Variants in PCDHGA4 observed in about 807,000 individuals in gnomAD.
PCDHGA4 encodes the protein protocadherin gamma-A4.
PCDHGA4 carries 38 observed loss-of-function variants against 54.6 expected under a neutral mutation model. The observed-to-expected ratio is 0.70, with a 90% CI of 0.54 to 0.91. The LOEUF (loss-of-function observed/expected upper bound fraction) is 0.91. PCDHGA4 is among the 40% of genes least tolerant of loss of function. The pLI is 0.00. For synonymous variants in PCDHGA4, 511 were observed against 512.9 expected, an observed-to-expected ratio of 1.00 and a Z score of 0.05; for missense variants, 1,298 against 1,220.9, an observed-to-expected ratio of 1.06 and a Z score of -0.94.
intron 1 of PCDHGA4, among the ~76,000 whole-genome samples, chr5:141,373,486 G>A (rs1769628161): frequency 1.3e-5 from 2 of 152,192 alleles, no homozygotes; most frequent in Non-Finnish European, 2.9e-5. Flanking sequence ...TTGTGCCCCT[G>A]CACTCTAGCC....
At chr5:141,381,761 A>G (rs1777413345) in intron 1 of PCDHGA4, among the ~76,000 whole-genome samples, 1 of 150,538 alleles carries the variant, frequency 6.6e-6, no homozygotes, top group Non-Finnish European at 1.5e-5. Flanking sequence ...TTCTACTACT[A>G]TATAATCAAT....
chr5:141,366,594 A>ACC (rs746902775), intron 1 of PCDHGA4: 4 of 1,614,124 alleles, frequency 2.5e-6, no homozygotes, highest in Non-Finnish European at 3.4e-6. Context: ...ACCTATTCCC[A>ACC]CGAGGTCTCC....
intron 1 of PCDHGA4, among the ~76,000 whole-genome samples, chr5:141,434,767 C>T (rs2097715264): frequency 6.6e-6 from 1 of 151,182 alleles, no homozygotes. Flanking sequence ...CCACTTCACA[C>T]TTCTAAAAAA....
At position 141,511,239 on chromosome 5, in the gene PCDHGA4, C is replaced by A; in HGVS notation, c.*66C>A. On this transcript the variant is annotated 3_prime_UTR_variant, in exon 4 of 4. Coordinates refer to ENST00000571252, the MANE Select transcript of PCDHGA4 (RefSeq NM_018917.4). ...AACCAGCCCAGCTTCTCCTTACCTG[C>A]ACCCAGGCCTCAGAGTTTCAGGGCT... 1 of 1,587,938 alleles carries A rather than the reference C, an allele frequency of 6.3e-7. No homozygotes were observed. Among genetic ancestry groups the A allele is most frequent in the Admixed American group, 1.8e-5 (1 of 55,480 alleles).
At position 141,415,600 on chromosome 5, in the gene PCDHGA4, C is replaced by G. The variant is rs778987183; in HGVS notation, c.2514+57979C>G. ...TTCGAAGTTTCCTATAGAGGATACC[C>G]CATTGGTTCCAGTGAGTTTTATTTT... On this transcript the variant is annotated intron_variant, in intron 1 of 3. Coordinates refer to ENST00000571252, the MANE Select transcript of PCDHGA4 (RefSeq NM_018917.4). 24 of 1,613,588 alleles carry G rather than the reference C, an allele frequency of 1.5e-5. No individual in the cohort carries two copies. In the Middle Eastern group the frequency reaches 1.2e-3, roughly 77 times the overall value.
chr5:141,402,369 A>C (rs1281295306), intron 1 of PCDHGA4, among the ~76,000 whole-genome samples: 1 of 152,066 alleles, frequency 6.6e-6, no homozygotes, highest in Non-Finnish European at 1.5e-5. Context: ...ACTTCCAAAC[A>C]AGATTGCACA....
intron 1 of PCDHGA4, among the ~76,000 whole-genome samples, chr5:141,462,650 TC>T (rs1254671361): frequency 7.3e-6 from 1 of 137,262 alleles, no homozygotes; most frequent in African/African-American, 3.0e-5. Context: ...ATTTCCATCC[TC>T]AATTATCTTC....
intron 1 of PCDHGA4, among the ~76,000 whole-genome samples, chr5:141,430,357 T>C (rs1258305414): frequency 1.3e-5 from 2 of 149,904 alleles, no homozygotes; most frequent in Non-Finnish European, 3.0e-5. Context: ...ATTTAAAAGC[T>C]CATTGGGGAA....
intron 2 of PCDHGA4, among the ~76,000 whole-genome samples, chr5:141,498,994 AAGGAAGGAAGG>A (rs2099788184): frequency 2.0e-5 from 3 of 148,560 alleles, no homozygotes; most frequent in Non-Finnish European, 4.5e-5. Flanking sequence ...GGAAGGAAGG[AAGGAAGGAAGG>A]AAGGAAGGAA....
chr5:141,357,359 A>C lies in PCDHGA4; in HGVS notation c.2252A>C (p.His751Pro), dbSNP rs775884751. 1 of 1,614,134 alleles carries C rather than the reference A, an allele frequency of 6.2e-7. No individual in the cohort carries two copies. Among genetic ancestry groups the C allele is most frequent in the South Asian group, 1.1e-5 (1 of 91,088 alleles). ...CTAGCACTCAAGCTGAGACGCTGGC[A>C]CAAGTCACGCCTGCTTCACGCTGAA... ...VLLALKLRRWHKSRLLHAEGS... is the reference protein window; with the variant it reads ...VLLALKLRRWPKSRLLHAEGS... The change falls in exon 1 of 4, where the codon CAC becomes CCC. Residue 751 changes from histidine to proline, a missense_variant. By Grantham distance (77) the His-to-Pro change is moderately conservative (BLOSUM62 -2). Coordinates refer to ENST00000571252, the MANE Select transcript of PCDHGA4 (RefSeq NM_018917.4).
intron 1 of PCDHGA4, chr5:141,374,477 C>T (rs376389009): frequency 7.4e-6 from 12 of 1,611,808 alleles, no homozygotes; most frequent in Non-Finnish European, 9.3e-6. Context: ...CAATACACCC[C>T]GATTCTTAAA....
chr5:141,375,599 T>A (rs1352335566), intron 1 of PCDHGA4: 1 of 1,614,126 alleles, frequency 6.2e-7, no homozygotes, highest in East Asian at 2.2e-5. Context: ...CTCCTACGTG[T>A]CCATCAACTC....
intron 1 of PCDHGA4, 165 bp downstream of exon 1, chr5:141,357,786 T>C (rs779369943): frequency 5.2e-5 from 44 of 847,236 alleles, no homozygotes; most frequent in Non-Finnish European, 7.3e-5. Flanking sequence ...TCAACAGTAT[T>C]TACCACACAA....
chr5:141,361,865 T>C (rs1588568656), intron 1 of PCDHGA4: 2 of 1,611,792 alleles, frequency 1.2e-6, no homozygotes, highest in East Asian at 2.2e-5. Flanking sequence ...CTCTTCGATA[T>C]GGTGCCACGC....
rs148558897 is a variant in PCDHGA4, at chr5:141,489,890, G to A, written c.2515-4917G>A. On this transcript the variant is annotated intron_variant, in intron 1 of 3. Coordinates refer to ENST00000571252, the MANE Select transcript of PCDHGA4 (RefSeq NM_018917.4). The surrounding 1 kb of genome is among the most constrained non-coding windows in gnomAD (Gnocchi z 4.5). Reference sequence around the variant, plus strand: ...CAGCTGGTGCTTACTGCTGTGGATGGGGGGACCCCAGCCCGCTCAGGGACC... The same window carrying A: ...CAGCTGGTGCTTACTGCTGTGGATGAGGGGACCCCAGCCCGCTCAGGGACC... 6.2e-7 allele frequency: 1 copy of A among 1,614,198 alleles called. No homozygotes were observed. The highest frequency in any genetic ancestry group is 8.5e-7 in the Non-Finnish European group (1 of 1,180,028).
intron 1 of PCDHGA4, among the ~76,000 whole-genome samples, chr5:141,455,783 T>G (rs1475277198): frequency 1.3e-5 from 2 of 152,066 alleles, no homozygotes; most frequent in Non-Finnish European, 2.9e-5. Context: ...AAAAGAAACT[T>G]TTCCGGAGAT....
chr5:141,399,589 A>G (rs1460754588), intron 1 of PCDHGA4: 6 of 1,613,866 alleles, frequency 3.7e-6, no homozygotes, highest in Non-Finnish European at 3.4e-6. Context: ...CTACTCTATC[A>G]TGGCCAGCGA....
chr5:141,477,749 C>A lies in PCDHGA4; in HGVS notation c.2515-17058C>A, dbSNP rs2099417192. The A allele has an allele frequency of 6.2e-7, 1 of 1,613,786 alleles. No homozygotes were observed. Among genetic ancestry groups the A allele is most frequent in the African/African-American group, 1.3e-5 (1 of 74,928 alleles). ...AGCTCATATCAGCGATGGGGGCACCCCGGTCCTAGCCACCAACATCAGCGT... is the reference window on the plus strand; with the variant it reads ...AGCTCATATCAGCGATGGGGGCACCACGGTCCTAGCCACCAACATCAGCGT... On this transcript the variant is annotated intron_variant, in intron 1 of 3. Coordinates refer to ENST00000571252, the MANE Select transcript of PCDHGA4 (RefSeq NM_018917.4). This position sits in a 1 kb window ranked among gnomAD's most constrained non-coding sequence, Gnocchi z 4.9.
intron 2 of PCDHGA4, among the ~76,000 whole-genome samples, chr5:141,498,397 G>A (rs1019408022): frequency 1.3e-5 from 2 of 152,136 alleles, no homozygotes; most frequent in African/African-American, 4.8e-5. Flanking sequence ...GAATGGCAGG[G>A]AGTTTTCTCT....
Sources: gnomAD v4.1 joint callset for allele counts (sites outside exome capture counted in the v4.1 genomes callset) on GRCh38, gnomAD v4.1.1 for gene constraint, Gnocchi (gnomAD v3.1) non-coding constraint, MANE v1.5 for transcripts, NCBI Gene and HGNC (gene_info 2026-07-23, HGNC 2026-07-21) for gene names.